Variants in IQCB1 observed in about 807,000 individuals in gnomAD.
The protein encoded by IQCB1 is IQ motif containing B1.
Under a neutral mutation model 84.4 loss-of-function variants are expected in IQCB1, and 56 were observed. The ratio of observed to expected loss-of-function variants is 0.66; its 90% CI spans 0.54 to 0.83. The LOEUF (loss-of-function observed/expected upper bound fraction) is 0.83. Ranked by LOEUF, IQCB1 falls within the 40% of genes least tolerant of loss-of-function variation. The pLI is 0.00. For missense variants in IQCB1, 629 were observed against 682.1 expected (o/e 0.92, Z 0.87); for synonymous variants, 210 against 234.8 (o/e 0.89, Z 0.96).
At chr3:121,809,285 C>A (rs1949731754) in intron 5 of IQCB1, among the ~76,000 whole-genome samples, 1 of 151,984 alleles carries the variant, frequency 6.6e-6, no homozygotes, top group East Asian at 1.9e-4. Flanking sequence ...TGTCTTAATA[C>A]TTGCTATGCA....
At chr3:121,831,640 G>A (rs1475891861) in intron 2 of IQCB1, among the ~76,000 whole-genome samples, 1 of 152,194 alleles carries the variant, frequency 6.6e-6, no homozygotes, top group Non-Finnish European at 1.5e-5. Flanking sequence ...TGAATTAGAT[G>A]ATACCCAGCT....
intron 2 of IQCB1, among the ~76,000 whole-genome samples, chr3:121,830,796 A>C (rs1363389520): frequency 6.6e-6 from 1 of 152,100 alleles, no homozygotes. Context: ...CCTTTCTCTG[A>C]CCTATCTTGT....
At chr3:121,773,942 A>C (rs1948114331) in intron 13 of IQCB1, among the ~76,000 whole-genome samples, 1 of 152,082 alleles carries the variant, frequency 6.6e-6, no homozygotes, top group Non-Finnish European at 1.5e-5. Context: ...ACCTTGGTGC[A>C]CCAAAGATCA....
At position 121,821,301 on chromosome 3, in the gene IQCB1, C is replaced by G. The variant is rs116214668; in HGVS notation, c.393+4750G>C. Among the ~76,000 whole-genome samples, 291 of 152,314 alleles carry G rather than the reference C, an allele frequency of 1.9e-3. 1 individual carries two copies. The highest frequency in any genetic ancestry group is 6.4e-3 in the African/African-American group (266 of 41,564). On this transcript the variant is annotated intron_variant, in intron 5 of 14. Transcript: ENST00000310864. ...TTCTGAATGAGAATACTCTATCTAA[C>G]TCTGGTAGGAATCTGCACTGGGACT...
At chr3:121,803,789 G>A (rs1299708518) in intron 7 of IQCB1, among the ~76,000 whole-genome samples, 2 of 152,072 alleles carry the variant, frequency 1.3e-5, no homozygotes, top group African/African-American at 2.4e-5. Context: ...GTATAAGCAC[G>A]GTATATCTTG....
chr3:121,826,424 T>C (rs1052097418), intron 4 of IQCB1, among the ~76,000 whole-genome samples: 9 of 152,176 alleles, frequency 5.9e-5, no homozygotes, highest in African/African-American at 1.9e-4. Flanking sequence ...ATTCAGCAAA[T>C]AAAAGACACT....
intron 14 of IQCB1, 27 bp from the exon 15 acceptor site, chr3:121,770,601 G>A (rs773674804): frequency 2.6e-6 from 4 of 1,551,966 alleles, no homozygotes; most frequent in South Asian, 2.2e-5. Flanking sequence ...ATAAACAGAT[G>A]AGCAGAAGAG....
At chr3:121,814,242 A>G (rs1020272291) in intron 5 of IQCB1, among the ~76,000 whole-genome samples, 7 of 152,258 alleles carry the variant, frequency 4.6e-5, no homozygotes, top group African/African-American at 1.7e-4. Flanking sequence ...ACAATGTGCC[A>G]GAATCTCTGG....
chr3:121,819,410 C>T (rs1352336672), intron 5 of IQCB1, among the ~76,000 whole-genome samples: 1 of 152,136 alleles, frequency 6.6e-6, no homozygotes, highest in Non-Finnish European at 1.5e-5. Context: ...TGGGGAGTGG[C>T]TGTAAATACA....
intron 10 of IQCB1, among the ~76,000 whole-genome samples, chr3:121,794,116 T>C (rs1949092909): frequency 6.6e-6 from 1 of 152,066 alleles, no homozygotes; most frequent in African/African-American, 2.4e-5. Flanking sequence ...TTTCCCAAAT[T>C]TATCTAACCA....
In IQCB1 at chr3:121,823,185, G is replaced by A. The variant is rs535853450; in HGVS notation, c.393+2866C>T. On this transcript the variant is annotated intron_variant, in intron 5 of 14. Transcript: ENST00000310864. ...TGAAGACAGAACAATAGAAATTATC[G>A]AAACTGAAGTAAACAACAACAAGAA... Among the ~76,000 whole-genome samples, 5 of 103,092 alleles carry A rather than the reference G, an allele frequency of 4.9e-5. No homozygotes were observed. In the South Asian group the frequency reaches 1.1e-3, roughly 23 times the overall value. 67.6% of individuals were successfully genotyped at this position (103,092 alleles called of 152,430 possible).
intron 9 of IQCB1, among the ~76,000 whole-genome samples, chr3:121,796,511 A>G (rs1190362866): frequency 1.3e-5 from 2 of 152,126 alleles, no homozygotes; most frequent in African/African-American, 4.8e-5. Flanking sequence ...AGGAAGTATG[A>G]TGAAATAATC....
chr3:121,804,872 A>G (rs1182862912), intron 7 of IQCB1, among the ~76,000 whole-genome samples: 1 of 152,164 alleles, frequency 6.6e-6, no homozygotes, highest in Admixed American at 6.5e-5. Flanking sequence ...GTTGTCCCAC[A>G]GTTCACTGAT....
intron 8 of IQCB1, 132 bp downstream of exon 8, chr3:121,799,064 G>C (rs1023642702): frequency 1.6e-6 from 1 of 638,012 alleles, no homozygotes; most frequent in African/African-American, 1.9e-5. Flanking sequence ...TTCTGAATTG[G>C]TATCTGTTGT....
intron 7 of IQCB1, among the ~76,000 whole-genome samples, chr3:121,805,221 G>A (rs74689673): frequency 4.7e-4 from 72 of 152,140 alleles, no homozygotes; most frequent in Admixed American, 8.5e-4. Flanking sequence ...CAAATCACCC[G>A]TTGAATCGTA....
chr3:121,781,690 C>T (rs1404419149), intron 13 of IQCB1, 53 bp downstream of exon 13: 2 of 1,477,118 alleles, frequency 1.4e-6, no homozygotes, highest in Non-Finnish European at 1.9e-6. Flanking sequence ...GTACAGTTAT[C>T]AATATCATGC....
In IQCB1 at chr3:121,810,745, G is replaced by A. The variant is rs1202079654; in HGVS notation, c.394-1736C>T. Among the ~76,000 whole-genome samples, 14 of 152,260 alleles carry A rather than the reference G, an allele frequency of 9.2e-5. No homozygotes were observed. In the East Asian group the frequency reaches 2.7e-3, roughly 29 times the overall value. ...ACAAATGAGGAAAATGAGATACAGT[G>A]AAATCCAGTGATTTGCTATAGAACC... On this transcript the variant is annotated intron_variant, in intron 5 of 14. Transcript: ENST00000310864.
At chr3:121,814,772 C>T (rs1486927406) in intron 5 of IQCB1, among the ~76,000 whole-genome samples, 4 of 152,120 alleles carry the variant, frequency 2.6e-5, no homozygotes, top group African/African-American at 7.2e-5. Flanking sequence ...TAATTAATGG[C>T]CTACCAACCA....
chr3:121,797,159 C>T lies in IQCB1; in HGVS notation c.835G>A (p.Gly279Ser), dbSNP rs1949228197. 1 of 1,610,532 alleles carries T rather than the reference C, an allele frequency of 6.2e-7. No individual in the cohort carries two copies. Among genetic ancestry groups the T allele is most frequent in the Non-Finnish European group, 8.5e-7 (1 of 1,177,826 alleles). ...TGATAGACCATTGGGCTTAAAAGGC[C>T]AACAAGCTGTCTAAGTTCTTGACTG... ...EFSQELRQLV[G>S]LLSPMVYQEV... is the part of the protein sequence containing the mutation. The change falls in exon 9 of 15, where the codon GGC becomes AGC. Residue 279 changes from glycine to serine, a missense_variant. By Grantham distance (56) the Gly-to-Ser change is moderately conservative. Coordinates refer to ENST00000310864, the MANE Select transcript of IQCB1 (RefSeq NM_001023570.4).
Sources: allele counts gnomAD v4.1 joint callset (sites outside exome capture counted in the v4.1 genomes callset), GRCh38; gene constraint gnomAD v4.1.1; transcripts MANE v1.5; gene names NCBI Gene and HGNC (gene_info 2026-07-23, HGNC 2026-07-21).